The following BRAF variants were observed in gnomAD, a reference collection of about 807,000 sequenced individuals.
BRAF encodes B-Raf proto-oncogene, serine/threonine kinase, also known as serine/threonine-protein kinase B-raf.
Under a neutral mutation model 104.6 loss-of-function variants are expected in BRAF, and 16 were observed. The ratio of observed to expected loss-of-function variants is 0.15; its 90% CI spans 0.10 to 0.23. The LOEUF (loss-of-function observed/expected upper bound fraction) is 0.23, where lower values mean the gene tolerates loss of function less well. Among genes scored for constraint, BRAF ranks in the 10% least tolerant of loss-of-function variants. BRAF has a pLI of 1.00. For missense variants in BRAF, 541 were observed against 937.3 expected, an observed-to-expected ratio of 0.58 and a Z score of 5.52; for synonymous variants, 310 against 341.6, an observed-to-expected ratio of 0.91 and a Z score of 1.02.
intron 1 of BRAF, among the ~76,000 whole-genome samples, chr7:140,912,632 T>G (rs1361609677): frequency 6.6e-6 from 1 of 152,222 alleles, no homozygotes; most frequent in African/African-American, 2.4e-5. Flanking sequence ...CTTTACAGGA[T>G]AATTCCTCAC....
intron 1 of BRAF, among the ~76,000 whole-genome samples, chr7:140,908,950 C>T (rs1462879107): frequency 7.4e-6 from 1 of 134,680 alleles, no homozygotes; most frequent in African/African-American, 2.5e-5. Flanking sequence ...CCTGGCAGCT[C>T]CCCACTATCT....
chr7:140,809,437 G>C (rs942517128), intron 3 of BRAF, among the ~76,000 whole-genome samples: 4 of 152,078 alleles, frequency 2.6e-5, no homozygotes, highest in Non-Finnish European at 5.9e-5. Flanking sequence ...AACATAGCGG[G>C]AAGAAAAAAA....
At chr7:140,911,384 C>T (rs988975610) in intron 1 of BRAF, among the ~76,000 whole-genome samples, 3 of 152,306 alleles carry the variant, frequency 2.0e-5, no homozygotes, top group South Asian at 2.1e-4. Flanking sequence ...ACATTTCCAT[C>T]ATCACAGAAA....
At chr7:140,874,707 GATTAA>G (rs1469062382) in intron 1 of BRAF, among the ~76,000 whole-genome samples, 3 of 152,102 alleles carry the variant, frequency 2.0e-5, no homozygotes, top group Non-Finnish European at 2.9e-5. Context: ...TAGCTGTGGG[GATTAA>G]AATAAAATGA....
chr7:140,820,310 G>A (rs1805340733), intron 3 of BRAF, among the ~76,000 whole-genome samples: 1 of 152,132 alleles, frequency 6.6e-6, no homozygotes, highest in South Asian at 2.1e-4. Flanking sequence ...AAAGTTTTCA[G>A]TGTGTATATT....
chr7:140,734,490 A>C, intron 19 of BRAF: 6 of 1,599,208 alleles, frequency 3.8e-6, no homozygotes, highest in Non-Finnish European at 5.1e-6. Flanking sequence ...TCTTTGGTTC[A>C]CCTTAAAAAA....
intron 1 of BRAF, among the ~76,000 whole-genome samples, chr7:140,878,397 CA>C (rs543082406): frequency 3.3e-5 from 5 of 150,184 alleles, no homozygotes; most frequent in Admixed American, 1.3e-4. Flanking sequence ...GTACGAGCAA[CA>C]AAAAAAAACT....
At chr7:140,815,503 G>C (rs10252774) in intron 3 of BRAF, among the ~76,000 whole-genome samples, 4 of 139,292 alleles carry the variant, frequency 2.9e-5, no homozygotes, top group African/African-American at 1.1e-4. Flanking sequence ...GTGCGACCTA[G>C]AATCACTGCA....
downstream of BRAF, among the ~76,000 whole-genome samples, chr7:140,714,951 G>A (rs1343975232): frequency 6.6e-6 from 1 of 152,104 alleles, no homozygotes; most frequent in Non-Finnish European, 1.5e-5. Context: ...GGAACAGCAG[G>A]AATCAAGGTC....
intron 1 of BRAF, among the ~76,000 whole-genome samples, chr7:140,890,735 G>C (rs915776352): frequency 6.6e-6 from 1 of 152,202 alleles, no homozygotes; most frequent in African/African-American, 2.4e-5. Flanking sequence ...ACCTTCTGAA[G>C]TTCTCCAGGT....
chr7:140,917,139 C>A lies in BRAF; in HGVS notation c.138+7427G>T, dbSNP rs1817716084. On this transcript the variant is annotated intron_variant, in intron 1 of 19. Coordinates refer to ENST00000644969, the MANE Select transcript of BRAF (RefSeq NM_001374258.1). ...GCAATGACGCGATCTCGGCTCACTA[C>A]AACCTCCCTCTCCCGGGTTCAAGTG... is the stretch of plus-strand genomic sequence containing the variant. 3.3e-5 allele frequency among the ~76,000 whole-genome samples: 5 copies of A among 152,238 alleles called. No individual in the cohort carries two copies. The South Asian group carries it at 1.0e-3, about 31-fold the overall frequency.
chr7:140,887,837 C>A (rs1479304443), intron 1 of BRAF, among the ~76,000 whole-genome samples: 3 of 152,082 alleles, frequency 2.0e-5, no homozygotes, highest in African/African-American at 7.2e-5. Context: ...CCTTGGCCAC[C>A]CAAGTAGCTG....
intron 2 of BRAF, among the ~76,000 whole-genome samples, chr7:140,838,280 A>G (rs1386281589): frequency 2.0e-5 from 3 of 152,212 alleles, no homozygotes; most frequent in South Asian, 4.1e-4. Flanking sequence ...TTATATGGCA[A>G]ATTTTTCTCA....
At position 140,765,981 on chromosome 7, in the gene BRAF, C is replaced by T. The variant is rs1422376870; in HGVS notation, c.1814+10931G>A. Among the ~76,000 whole-genome samples, 2 of 146,712 alleles carry T rather than the reference C, an allele frequency of 1.4e-5. 1 individual carries two copies. The highest frequency in any genetic ancestry group is 5.4e-5 in the African/African-American group (2 of 36,924). On this transcript the variant is annotated intron_variant, in intron 14 of 19. Coordinates refer to ENST00000644969, the MANE Select transcript of BRAF (RefSeq NM_001374258.1). ...ACCCAAAGGATTATAAATCATGCTG[C>T]TATAAAGACACATGCACACGTATGT... is the stretch of plus-strand genomic sequence containing the variant.
At chr7:140,843,936 G>A (rs984003057) in intron 2 of BRAF, among the ~76,000 whole-genome samples, 1 of 152,152 alleles carries the variant, frequency 6.6e-6, no homozygotes, top group African/African-American at 2.4e-5. Flanking sequence ...GTGAACCCGG[G>A]AGGTGGAGCT....
At chr7:140,833,901 C>T (rs1586336800) in intron 3 of BRAF, 1 of 151,282 alleles carries the variant, frequency 6.6e-6, no homozygotes, top group East Asian at 1.9e-4. Context: ...ATTTTTGGAA[C>T]ATTAAACAAT....
At chr7:140,793,924 C>G (rs1272620104) in intron 8 of BRAF, among the ~76,000 whole-genome samples, 1 of 152,188 alleles carries the variant, frequency 6.6e-6, no homozygotes, top group South Asian at 2.1e-4. Flanking sequence ...CTATGCCTGG[C>G]CTGAAATTCT....
chr7:140,902,861 C>G (rs1351885711), intron 1 of BRAF, among the ~76,000 whole-genome samples: 1 of 151,626 alleles, frequency 6.6e-6, no homozygotes, highest in African/African-American at 2.4e-5. Flanking sequence ...GAAGATCAAA[C>G]CAGCCACAAC....
At chr7:140,844,585 T>C (rs1252275360) in intron 2 of BRAF, among the ~76,000 whole-genome samples, 1 of 152,156 alleles carries the variant, frequency 6.6e-6, no homozygotes, top group Non-Finnish European at 1.5e-5. Flanking sequence ...CCAATCCCTA[T>C]CAAAATCCTG....
Sources: gnomAD v4.1 joint callset for allele counts (sites outside exome capture counted in the v4.1 genomes callset) on GRCh38, gnomAD v4.1.1 for gene constraint, MANE v1.5 for transcripts, NCBI Gene and HGNC (gene_info 2026-07-23, HGNC 2026-07-21) for gene names.